The following MIS18BP1 variants were observed in gnomAD, a reference collection of about 807,000 sequenced individuals.
MIS18BP1 encodes the protein mis18-binding protein 1.
In MIS18BP1, 72 loss-of-function variants were observed where a neutral mutation model predicts 116.1. The ratio of observed to expected loss-of-function variants is 0.62; its 90% confidence interval spans 0.51 to 0.75. The LOEUF (loss-of-function observed/expected upper bound fraction) is 0.75. Among genes scored for constraint, MIS18BP1 ranks in the 30% least tolerant of loss-of-function variants. MIS18BP1 has a pLI of 0.00. For missense variants in MIS18BP1, 1,363 were observed against 1,303.2 expected (o/e 1.05, Z -0.71); for synonymous variants, 386 against 427.0 (o/e 0.90, Z 1.18).
At chr14:45,205,714 C>G (rs548750002) in intron 15 of MIS18BP1, among the ~76,000 whole-genome samples, 1 of 152,212 alleles carries the variant, frequency 6.6e-6, no homozygotes, top group East Asian at 1.9e-4. Context: ...AAATTTCTTA[C>G]TTTATGAGAA....
Position 45,227,807 on chromosome 14 carries a change from C to T in MIS18BP1, c.1602G>A (p.Lys534=), listed in dbSNP as rs760897703. 3.1e-6 allele frequency: 5 copies of T among 1,613,266 alleles called. No homozygotes were observed. In the African/African-American group the frequency reaches 6.7e-5, roughly 22 times the overall value. ...YDFDCDNLEL[K]SNKHSESPGA... is the part of the protein sequence containing the mutation. ...CTGGTGACTCACTGTGCTTATTACT[C>T]TTCAGTTCTATGAATACAAAGATGG... The change falls in exon 9 of 17, where the codon AAG becomes AAA. Residue 534 remains lysine, a synonymous_variant. Coordinates refer to ENST00000310806, the MANE Select transcript of MIS18BP1 (RefSeq NM_018353.5).
chr14:45,250,947 G>A (rs1891854976), intron 1 of MIS18BP1, among the ~76,000 whole-genome samples: 1 of 148,980 alleles, frequency 6.7e-6, no homozygotes, highest in African/African-American at 2.5e-5. Flanking sequence ...TGAGGCAGGA[G>A]AATGGAGTGA....
intron 2 of MIS18BP1, among the ~76,000 whole-genome samples, chr14:45,244,137 A>G (rs1252390455): frequency 6.6e-6 from 1 of 152,132 alleles, no homozygotes; most frequent in Admixed American, 6.5e-5. Context: ...GTAGTGGTTA[A>G]GAACATGGGC....
chr14:45,241,106 AAATT>A (rs1386903528), intron 4 of MIS18BP1, among the ~76,000 whole-genome samples: 1 of 152,232 alleles, frequency 6.6e-6, no homozygotes, highest in Non-Finnish European at 1.5e-5. Context: ...CTCATTTAAA[AAATT>A]AATTATTAAT....
chr14:45,227,576 G>A (rs982003226), intron 9 of MIS18BP1, 87 bp downstream of exon 9: 36 of 986,042 alleles, frequency 3.7e-5, no homozygotes, highest in East Asian at 1.9e-4. Flanking sequence ...CAGAACTCAC[G>A]TCCCTGATAT....
chr14:45,250,036 A>C (rs1891826014), intron 1 of MIS18BP1: 1 of 152,216 alleles, frequency 6.6e-6, no homozygotes, highest in Non-Finnish European at 1.5e-5. Context: ...CCAACCTGTA[A>C]TGGACATGCA....
chr14:45,227,703 T>G lies in MIS18BP1; in HGVS notation c.1706A>C (p.Asn569Thr), dbSNP rs746548038. 3 of 1,613,792 alleles carry G rather than the reference T, an allele frequency of 1.9e-6. No homozygotes were observed. The highest frequency in any genetic ancestry group is 4.5e-5 in the East Asian group (2 of 44,870). The stretch of plus-strand genomic sequence containing the variant: ...ATCTCCTCCTCCATTTTGAATAGTA[T>G]TATTTACTTGGTCATCTGGGAACCT... ...TLRFPDDQVN[N>T]TIQNGGGDDL... is the part of the protein sequence containing the mutation. Residue 569 changes from asparagine (N) to threonine (T), a missense_variant, in exon 9 of 17, where the codon AAT becomes ACT. Coordinates refer to ENST00000310806, the MANE Select transcript of MIS18BP1 (RefSeq NM_018353.5).
intron 6 of MIS18BP1, 144 bp from the exon 7 acceptor site, chr14:45,232,964 G>A (rs75108198): frequency 0.024 from 13,292 of 558,150 alleles, 262 homozygotes; most frequent in Non-Finnish European, 0.031. Flanking sequence ...GAATTCGGCA[G>A]TAAACAAAGC....
At chr14:45,251,036 CAA>C (rs1230380755) in intron 1 of MIS18BP1, among the ~76,000 whole-genome samples, 21 of 59,242 alleles carry the variant, frequency 3.5e-4, no homozygotes, top group African/African-American at 6.8e-4. Flanking sequence ...GACTCTGCCT[CAA>C]AAAAAAAAAA....
intron 15 of MIS18BP1, 41 bp downstream of exon 15, chr14:45,206,042 G>A (rs1890506337): frequency 7.6e-7 from 1 of 1,310,192 alleles, no homozygotes; most frequent in African/African-American, 1.5e-5. Context: ...ACATATTAAA[G>A]TTGTTTCATA....
intron 11 of MIS18BP1, among the ~76,000 whole-genome samples, chr14:45,222,332 T>G (rs1209029305): frequency 2.6e-5 from 4 of 152,206 alleles, no homozygotes; most frequent in African/African-American, 9.6e-5. Context: ...TTTGGGCTAT[T>G]TGATTTTCCA....
chr14:45,251,855 A>G (rs1160056982), intron 1 of MIS18BP1, among the ~76,000 whole-genome samples: 2 of 152,248 alleles, frequency 1.3e-5, no homozygotes, highest in Non-Finnish European at 2.9e-5. Flanking sequence ...CACATTGGTA[A>G]ATATTAATTT....
Position 45,242,441 on chromosome 14 carries a change from A to G in MIS18BP1, c.736T>C (p.Leu246=), listed in dbSNP as rs202031323. 7.6e-5 allele frequency: 123 copies of G among 1,613,782 alleles called. No homozygotes were observed. In the African/African-American group the frequency reaches 8.3e-4, roughly 11 times the overall value. The change falls in exon 4 of 17, where the codon TTG becomes CTG. Residue 246 remains leucine, a synonymous_variant. Coordinates refer to ENST00000310806, the MANE Select transcript of MIS18BP1 (RefSeq NM_018353.5). The part of the protein sequence containing the change: ...ARNKTLTRAQ[L]AKQIFHSKES... ...TTTGAGTGAAAAATTTGTTTAGCCAACTGAGCTCTAGTTAATGTCTTGTTT... is the reference window on the plus strand; with the variant it reads ...TTTGAGTGAAAAATTTGTTTAGCCAGCTGAGCTCTAGTTAATGTCTTGTTT...
At chr14:45,249,682 C>T (rs527837136) in intron 1 of MIS18BP1, among the ~76,000 whole-genome samples, 55 of 152,226 alleles carry the variant, frequency 3.6e-4, no homozygotes, top group Admixed American at 6.5e-5. Flanking sequence ...ACCAGCCTGG[C>T]CAACACGGTG....
intron 8 of MIS18BP1, 86 bp downstream of exon 8, chr14:45,231,055 T>G: frequency 2.1e-6 from 3 of 1,396,968 alleles, no homozygotes; most frequent in Non-Finnish European, 2.9e-6. Flanking sequence ...TACACATTAC[T>G]ACTATACACA....
chr14:45,227,549 GAA>G (rs200663824), intron 9 of MIS18BP1, 112 bp downstream of exon 9: 79,992 of 643,754 alleles, frequency 0.12, 3,027 homozygotes, highest in African/African-American at 0.37. Flanking sequence ...CATCTCAAAA[GAA>G]AAAAAAAAAA....
intron 2 of MIS18BP1, among the ~76,000 whole-genome samples, chr14:45,245,886 A>AT (rs1891710077): frequency 6.6e-6 from 1 of 152,210 alleles, no homozygotes; most frequent in African/African-American, 2.4e-5. Context: ...CTAAACTTAG[A>AT]TTTTTAATAG....
intron 1 of MIS18BP1, among the ~76,000 whole-genome samples, chr14:45,252,471 AAC>A (rs1891903586): frequency 6.6e-6 from 1 of 152,230 alleles, no homozygotes. Flanking sequence ...CCAAATTGTA[AAC>A]AGTGTTTATC....
In MIS18BP1 at chr14:45,237,800, G is replaced by GA. The variant is rs1161998196; in HGVS notation, c.1144-80dup. Reference sequence around the variant, plus strand: ...ATTACAAAATTAACTTACATTAAAAGAAAAAACTTGTCTAAGTAATCCAAA... The same window carrying GA: ...ATTACAAAATTAACTTACATTAAAAGAAAAAAACTTGTCTAAGTAATCCAAA... On this transcript the variant is annotated intron_variant, in intron 4 of 16. Transcript: ENST00000310806. The GA allele has an allele frequency of 1.2e-5, 18 of 1,494,188 alleles. No individual in the cohort carries two copies. In the African/African-American group the frequency reaches 1.9e-4, roughly 16 times the overall value. The allele number at this position is 1,494,188 out of a possible 1,614,324, so 92.6% of individuals were successfully genotyped here. A position where few individuals can be genotyped will look rare whatever the true frequency, so the allele number is the denominator to read the frequency against.
Sources: allele counts gnomAD v4.1 joint callset (sites outside exome capture counted in the v4.1 genomes callset), GRCh38; gene constraint gnomAD v4.1.1; transcripts MANE v1.5; gene names NCBI Gene and HGNC (gene_info 2026-07-23, HGNC 2026-07-21).